Variants in PTPN12 observed in about 807,000 individuals in gnomAD.
PTPN12 encodes tyrosine-protein phosphatase non-receptor type 12.
PTPN12 carries 29 observed loss-of-function variants against 97.6 expected under a neutral mutation model. The ratio of observed to expected loss-of-function variants is 0.30; its 90% CI spans 0.22 to 0.41. The LOEUF is 0.41. Among genes scored for constraint, PTPN12 ranks in the 10% least tolerant of loss-of-function variants. PTPN12 has a pLI of 1.00. For missense variants in PTPN12, 819 were observed against 926.0 expected (o/e 0.88, Z 1.50); for synonymous variants, 327 against 300.4 (o/e 1.09, Z -0.91).
chr7:77,543,360 TA>T (rs1177438107), intron 1 of PTPN12, among the ~76,000 whole-genome samples: 1 of 134,736 alleles, frequency 7.4e-6, no homozygotes. Context: ...TTTTTTTTTT[TA>T]AAGAGAGAAC....
In PTPN12 at chr7:77,578,397, G is replaced by T. The variant is rs971254850; in HGVS notation, c.209-3030G>T. ...AGGGGGATGGGACATGTAGGGTGGC[G>T]TGAAATAAATGACAGAGCATTGACA... On this transcript the variant is annotated intron_variant, in intron 2 of 17. Transcript: ENST00000248594. Among the ~76,000 whole-genome samples the T allele has an allele frequency of 6.6e-5, 10 of 152,096 alleles. 1 individual carries two copies. The highest frequency in any genetic ancestry group is 2.2e-4 in the African/African-American group (9 of 41,414).
At chr7:77,607,694 T>C (rs1399839218) in intron 9 of PTPN12, among the ~76,000 whole-genome samples, 3 of 152,166 alleles carry the variant, frequency 2.0e-5, no homozygotes, top group African/African-American at 7.2e-5. Context: ...AGTGAATACT[T>C]GCATTAGGAT....
At position 77,571,719 on chromosome 7, in the gene PTPN12, A is replaced by ATTTG. The variant is rs1228496690; in HGVS notation, c.208+549_208+552dup. 3.7e-3 allele frequency among the ~76,000 whole-genome samples: 221 copies of ATTTG among 60,264 alleles called. 2 individuals are homozygous for ATTTG. Among genetic ancestry groups the ATTTG allele is most frequent in the African/African-American group, 0.023 (212 of 9,120 alleles). The allele number at this position is 60,264 out of a possible 152,430, so 39.5% of individuals were successfully genotyped here. A position where few individuals can be genotyped will look rare whatever the true frequency, so the allele number is the denominator to read the frequency against. On this transcript the variant is annotated intron_variant, in intron 2 of 17. Transcript: ENST00000248594. Reference sequence around the variant, plus strand: ...ATTTTATTTATTTATTTATTTATTTATTTGTTTGTTTGTTTGTTTAGAGGT... The same window carrying ATTTG: ...ATTTTATTTATTTATTTATTTATTTATTTGTTTGTTTGTTTGTTTGTTTAGAGGT...
chr7:77,590,708 G>A (rs575806849), intron 5 of PTPN12, among the ~76,000 whole-genome samples: 1 of 152,144 alleles, frequency 6.6e-6, no homozygotes, highest in African/African-American at 2.4e-5. Flanking sequence ...TTAAAGGCAT[G>A]TGCCACCATG....
Position 77,600,745 on chromosome 7 carries a change from A to G in PTPN12, c.634A>G (p.Met212Val), listed in dbSNP as rs1384214907. The change falls in exon 8 of 18, where the codon ATG (methionine) becomes GTG (valine). Residue 212 changes from methionine (M) to valine (V), a missense_variant. Met to Val is a conservative substitution (Grantham distance 21). Transcript: ENST00000248594. ...VPSSFDSILD[M>V]ISLMRKYQEH... ...TTCATCATTTGATTCTATTCTGGACATGATAAGCTTAATGAGGAAATATCA... is the reference window on the plus strand; with the variant it reads ...TTCATCATTTGATTCTATTCTGGACGTGATAAGCTTAATGAGGAAATATCA... The G allele has an allele frequency of 6.2e-7, 1 of 1,611,498 alleles. No homozygotes were observed. The highest frequency in any genetic ancestry group is 2.2e-5 in the East Asian group (1 of 44,818).
chr7:77,619,548 A>G (rs1467333068), intron 12 of PTPN12, among the ~76,000 whole-genome samples: 1 of 152,194 alleles, frequency 6.6e-6, no homozygotes, highest in Non-Finnish European at 1.5e-5. Flanking sequence ...GCTGCTGAGT[A>G]CAGAAAGAGG....
chr7:77,607,955 A>G (rs1192879946), intron 9 of PTPN12, among the ~76,000 whole-genome samples: 1 of 152,068 alleles, frequency 6.6e-6, no homozygotes, highest in East Asian at 1.9e-4. Flanking sequence ...GGGTTTCACC[A>G]TGTTGGCCAG....
intron 8 of PTPN12, 149 bp from the exon 9 acceptor site, chr7:77,607,086 T>C (rs943886161): frequency 1.7e-6 from 1 of 583,312 alleles, no homozygotes; most frequent in Non-Finnish European, 3.0e-6. Context: ...ATGAACACAC[T>C]GTAAGTTGTA....
chr7:77,573,178 C>T (rs1787219284), intron 2 of PTPN12, among the ~76,000 whole-genome samples: 1 of 150,472 alleles, frequency 6.6e-6, no homozygotes. Flanking sequence ...ATACCTAGCA[C>T]ATAGTAACCA....
intron 1 of PTPN12, among the ~76,000 whole-genome samples, chr7:77,569,347 T>C (rs867585954): frequency 6.6e-6 from 1 of 152,240 alleles, no homozygotes; most frequent in Non-Finnish European, 1.5e-5. Flanking sequence ...TCAGATACTG[T>C]CATCTTACTA....
rs760443960 is a variant in PTPN12 at position 77,635,828 on chromosome 7, A to G, written c.2121A>G (p.Arg707=). The G allele has an allele frequency of 1.1e-5, 18 of 1,607,018 alleles. No homozygotes were observed. The African/African-American group carries it at 2.1e-4, about 19-fold the overall frequency. The change falls in exon 15 of 18, where the codon CGA becomes CGG. Residue 707 remains arginine (R), a synonymous_variant. Coordinates refer to ENST00000248594, the MANE Select transcript of PTPN12 (RefSeq NM_002835.4). ...GGAGTGAACTTCAAAGTCAGGAACG[A>G]TCTGAACAAAAAAAGTCTGAAGTAA... ...SEWSELQSQE[R]SEQKKSEGLI...
chr7:77,572,114 T>G (rs1242961782), intron 2 of PTPN12, among the ~76,000 whole-genome samples: 2 of 127,426 alleles, frequency 1.6e-5, no homozygotes, highest in Middle Eastern at 7.9e-3. Flanking sequence ...TTTTTTTTTT[T>G]GTGACAGTCT....
intron 1 of PTPN12, among the ~76,000 whole-genome samples, chr7:77,566,684 A>G (rs1808275336): frequency 6.6e-6 from 1 of 151,160 alleles, no homozygotes; most frequent in Non-Finnish European, 1.5e-5. Flanking sequence ...TGATTGCACC[A>G]CTGCATTCCA....
chr7:77,551,812 A>G (rs1259419838), intron 1 of PTPN12, among the ~76,000 whole-genome samples: 3 of 152,180 alleles, frequency 2.0e-5, no homozygotes, highest in Non-Finnish European at 4.4e-5. Context: ...TAGTGCTTCA[A>G]ATGAGATCCT....
chr7:77,585,767 G>T (rs190228502), intron 5 of PTPN12, among the ~76,000 whole-genome samples, 186 bp downstream of exon 5: 2 of 151,914 alleles, frequency 1.3e-5, no homozygotes, highest in Non-Finnish European at 2.9e-5. Flanking sequence ...TTTATATTTT[G>T]TAAGTATGTT....
rs1562715172 is a variant in PTPN12 at position 77,564,759 on chromosome 7, T to TGTTTTTTG, written c.100-6319_100-6318insGTTTTTTG. On this transcript the variant is annotated intron_variant, in intron 1 of 17. Coordinates refer to ENST00000248594, the MANE Select transcript of PTPN12 (RefSeq NM_002835.4). The stretch of plus-strand genomic sequence containing the variant: ...TTTTGTTGTCGTGTTTTTTTTTTTT[T>TGTTTTTTG]TTTTTTTTTTTTTTTTTGAGACGGA... 1.2e-4 allele frequency among the ~76,000 whole-genome samples: 12 copies of TGTTTTTTG among 99,124 alleles called. 1 individual carries two copies. Among genetic ancestry groups the TGTTTTTTG allele is most frequent in the African/African-American group, 4.2e-4 (11 of 26,332 alleles). 65.0% of individuals were successfully genotyped at this position (99,124 alleles called of 152,430 possible).
At chr7:77,586,904 C>T (rs548238714) in intron 5 of PTPN12, among the ~76,000 whole-genome samples, 1 of 152,332 alleles carries the variant, frequency 6.6e-6, no homozygotes, top group Non-Finnish European at 1.5e-5. Context: ...AACTCCTCAT[C>T]CATTCCAGGT....
At chr7:77,618,930 A>C (rs1027945339) in intron 12 of PTPN12, among the ~76,000 whole-genome samples, 1 of 152,218 alleles carries the variant, frequency 6.6e-6, no homozygotes, top group African/African-American at 2.4e-5. Flanking sequence ...GATATTTAAT[A>C]ACGTTACTAG....
At position 77,573,108 on chromosome 7, in the gene PTPN12, A is replaced by AC. The variant is rs1241122406; in HGVS notation, c.208+1922_208+1923insC. On this transcript the variant is annotated intron_variant, in intron 2 of 17. Transcript: ENST00000248594. ...AAAAAAAAAAAAAACAAAAAAACAAAAAAAACCAGTGTACCTAGCACATAG... is the reference window on the plus strand; with the variant it reads ...AAAAAAAAAAAAAACAAAAAAACAAACAAAAACCAGTGTACCTAGCACATAG... 4.1e-5 allele frequency among the ~76,000 whole-genome samples: 6 copies of AC among 147,572 alleles called. 1 individual carries two copies. Among genetic ancestry groups the AC allele is most frequent in the African/African-American group, 1.3e-4 (5 of 38,968 alleles).
Sources: gnomAD v4.1 joint callset for allele counts (sites outside exome capture counted in the v4.1 genomes callset) on GRCh38, gnomAD v4.1.1 for gene constraint, MANE v1.5 for transcripts, NCBI Gene and HGNC (gene_info 2026-07-23, HGNC 2026-07-21) for gene names.